Variants in FXYD6 observed in about 807,000 individuals in gnomAD.
FXYD6 encodes the protein FXYD domain containing ion transport regulator 6.
In FXYD6, 7 loss-of-function variants were observed where a neutral mutation model predicts 16.7. The observed-to-expected ratio is 0.42, with a 90% CI of 0.24 to 0.79. FXYD6 has a LOEUF of 0.79. Among genes scored for constraint, FXYD6 ranks in the 30% least tolerant of loss-of-function variants. The pLI is 0.28. For missense variants in FXYD6, 111 were observed against 116.2 expected, an observed-to-expected ratio of 0.95 and a Z score of 0.21; for synonymous variants, 49 against 43.0, an observed-to-expected ratio of 1.14 and a Z score of -0.54.
Position 117,839,813 on chromosome 11 carries a change from C to G in FXYD6, c.277G>C (p.Ala93Pro), listed in dbSNP as rs1362082597. The G allele has an allele frequency of 6.2e-7, 1 of 1,614,232 alleles. No individual in the cohort carries two copies. Among genetic ancestry groups the G allele is most frequent in the East Asian group, 2.2e-5 (1 of 44,886 alleles). The change falls in exon 7 of 8, where the codon GCA becomes CCA. Residue 93 changes from alanine (A) to proline (P), a missense_variant. Transcript: ENST00000526014. ...CTGATGGCTGCACTTCAGTTCTCTG[C>G]TTTCTGGGGCTCTGTTGCTGGAAAG... is the stretch of plus-strand genomic sequence containing the variant. ...ITANATEPQKAEN is the reference protein window; with the variant it reads ...ITANATEPQKPEN
At chr11:117,877,377 C>G (rs1009370567), upstream of FXYD6, 4 of 152,264 alleles carry the variant, frequency 2.6e-5, no homozygotes, top group African/African-American at 7.2e-5. Flanking sequence ...AGTACCACCC[C>G]GTCCTCAGCC....
rs567019500 is a variant in FXYD6, at chr11:117,839,830, G to C, written c.260C>G (p.Ala87Gly). ...AQVENLITAN[A>G]TEPQKAEN ...GTTCTCTGCTTTCTGGGGCTCTGTTGCTGGAAAGAAAACCAGAATGGATTA... is the reference window on the plus strand; with the variant it reads ...GTTCTCTGCTTTCTGGGGCTCTGTTCCTGGAAAGAAAACCAGAATGGATTA... The change falls in exon 7 of 8, where the codon GCA becomes GGA. Residue 87 changes from alanine (A) to glycine (G), a missense_variant and splice_region_variant. Ala to Gly is a moderately conservative substitution (Grantham distance 60, BLOSUM62 0). Coordinates refer to ENST00000526014, the MANE Select transcript of FXYD6 (RefSeq NM_022003.4). 1 of 1,614,186 alleles carries C rather than the reference G, an allele frequency of 6.2e-7. No individual in the cohort carries two copies. The highest frequency in any genetic ancestry group is 8.5e-7 in the Non-Finnish European group (1 of 1,180,036).
At chr11:117,838,713 C>A in intron 7 of FXYD6, 1 of 202,258 alleles carries the variant, frequency 4.9e-6, no homozygotes. Flanking sequence ...TTCGTCCATT[C>A]GCACTTAGGT....
chr11:117,841,234 C>A, intron 4 of FXYD6, 50 bp from the exon 5 acceptor site: 2 of 1,613,436 alleles, frequency 1.2e-6, no homozygotes, highest in Non-Finnish European at 1.7e-6. Context: ...TTGGCCACAG[C>A]AGGGCCAAGG....
At chr11:117,854,181 A>G (rs1043209816) in intron 1 of FXYD6, among the ~76,000 whole-genome samples, 4 of 152,202 alleles carry the variant, frequency 2.6e-5, no homozygotes, top group East Asian at 3.9e-4. Flanking sequence ...AAGGTAGATG[A>G]AACAACACAT....
chr11:117,857,445 T>C (rs987760287), intron 1 of FXYD6, among the ~76,000 whole-genome samples: 1 of 148,520 alleles, frequency 6.7e-6, no homozygotes, highest in South Asian at 2.1e-4. Flanking sequence ...AGTCTCGCTC[T>C]GTAGCCCAGG....
intron 1 of FXYD6, among the ~76,000 whole-genome samples, chr11:117,855,346 G>A (rs1248608251): frequency 4.6e-5 from 7 of 152,200 alleles, no homozygotes; most frequent in African/African-American, 1.7e-4. Flanking sequence ...TGGCGGGAGC[G>A]GGGAGGAGGG....
At position 117,870,261 on chromosome 11, in the gene FXYD6, G is replaced by A. The variant is rs117463512; in HGVS notation, c.-6+6331C>T. Among the ~76,000 whole-genome samples, 5,152 of 152,320 alleles carry A rather than the reference G, an allele frequency of 0.034. 131 individuals are homozygous for A. Among genetic ancestry groups the A allele is most frequent in the Non-Finnish European group, 0.052 (3,515 of 68,018 alleles). On this transcript the variant is annotated intron_variant, in intron 1 of 7. Coordinates refer to ENST00000526014, the MANE Select transcript of FXYD6 (RefSeq NM_022003.4). The surrounding 1 kb of genome is among the most constrained non-coding windows in gnomAD (Gnocchi z 4.2). ...CCCCTCTGGTTCCCCAGGAGATCTC[G>A]GTCTGGCTCCAGAGAGTCTGAATGG...
upstream of FXYD6, chr11:117,877,282 G>A (rs2057290750): frequency 6.6e-6 from 1 of 152,284 alleles, no homozygotes. Context: ...GTGGGGAGCT[G>A]GGGGGATGGT....
intron 1 of FXYD6, among the ~76,000 whole-genome samples, chr11:117,867,390 C>T (rs1432969177): frequency 6.6e-6 from 1 of 152,232 alleles, no homozygotes; most frequent in African/African-American, 2.4e-5. Flanking sequence ...CATGCTCGCA[C>T]TTGCAGTATC....
At chr11:117,848,870 A>G (rs1441254539) in intron 1 of FXYD6, among the ~76,000 whole-genome samples, 1 of 152,118 alleles carries the variant, frequency 6.6e-6, no homozygotes, top group Non-Finnish European at 1.5e-5. Flanking sequence ...CTTCTTGGTC[A>G]GTTTCACCAG....
chr11:117,839,382 A>T, intron 7 of FXYD6: 1 of 221,106 alleles, frequency 4.5e-6, no homozygotes, highest in Non-Finnish European at 9.0e-6. Context: ...GGGAAGTTTC[A>T]TAATAAGGTG....
rs1443158112 is a variant in FXYD6 at position 117,858,639 on chromosome 11, CTT to C, written c.-5-15860_-5-15859del. Among the ~76,000 whole-genome samples the C allele has an allele frequency of 1.2e-3, 25 of 20,870 alleles. 1 individual carries two copies. Among genetic ancestry groups the C allele is most frequent in the African/African-American group, 4.3e-3 (23 of 5,370 alleles). 13.7% of individuals were successfully genotyped at this position (20,870 alleles called of 152,430 possible). A position where few individuals can be genotyped will look rare whatever the true frequency, so the allele number is the denominator to read the frequency against. ...TTCTGCTTCATTTTCTTTTTTCTTT[CTT>C]TCTTTCTTTCTTTCTTTCTTTCTTT... On this transcript the variant is annotated intron_variant, in intron 1 of 7. Transcript: ENST00000526014.
intron 5 of FXYD6, 92 bp from the exon 6 acceptor site, chr11:117,840,460 G>T: frequency 6.4e-7 from 1 of 1,557,630 alleles, no homozygotes. Context: ...ACAGCTGCCT[G>T]CAGTCAGGCT....
intron 4 of FXYD6, 152 bp from the exon 5 acceptor site, chr11:117,841,336 G>T (rs575925039): frequency 4.2e-6 from 4 of 944,698 alleles, no homozygotes; most frequent in South Asian, 3.2e-5. Flanking sequence ...CCTCGGATGG[G>T]GTAGCTTCTT....
intron 6 of FXYD6, 37 bp from the exon 7 acceptor site, chr11:117,839,867 C>A (rs1455408146): frequency 1.2e-6 from 2 of 1,613,952 alleles, no homozygotes; most frequent in South Asian, 2.2e-5. Flanking sequence ...AGTGTATAGA[C>A]TCCTCACCCC....
chr11:117,840,711 A>G (rs1425330218), intron 5 of FXYD6, among the ~76,000 whole-genome samples: 1 of 152,090 alleles, frequency 6.6e-6, no homozygotes, highest in African/African-American at 2.4e-5. Flanking sequence ...TATGACCTCT[A>G]TGTGGGAGTA....
intron 1 of FXYD6, among the ~76,000 whole-genome samples, chr11:117,844,558 G>A (rs2056430734): frequency 6.6e-6 from 1 of 151,976 alleles, no homozygotes; most frequent in African/African-American, 2.4e-5. Context: ...GCAATGGTGC[G>A]ATCTCGGCTC....
At chr11:117,857,332 G>C (rs1306699209) in intron 1 of FXYD6, among the ~76,000 whole-genome samples, 2 of 152,088 alleles carry the variant, frequency 1.3e-5, no homozygotes, top group African/African-American at 4.8e-5. Flanking sequence ...GCATGGATCT[G>C]TGTTGTGTAA....
Sources: allele counts gnomAD v4.1 joint callset (sites outside exome capture counted in the v4.1 genomes callset), GRCh38; gene constraint gnomAD v4.1.1; non-coding constraint Gnocchi (gnomAD v3.1); transcripts MANE v1.5; gene names NCBI Gene and HGNC (gene_info 2026-07-23, HGNC 2026-07-21).